The following ATP6V1C2 variants were observed in gnomAD, a reference collection of about 807,000 sequenced individuals.
ATP6V1C2 encodes V-type proton ATPase subunit C 2.
ATP6V1C2 carries 45 observed loss-of-function variants against 56.8 expected under a neutral mutation model. The ratio of observed to expected loss-of-function variants is 0.79; its 90% CI spans 0.62 to 1.02. The LOEUF is 1.02. Ranked by LOEUF, ATP6V1C2 falls within the 50% of genes least tolerant of loss-of-function variation. The probability of loss-of-function intolerance (pLI) is 0.00; values close to 1 mark genes in which losing one functional copy is unlikely to be tolerated. For synonymous variants in ATP6V1C2, 220 were observed against 201.3 expected (o/e 1.09, Z -0.79); for missense variants, 463 against 519.7 (o/e 0.89, Z 1.06).
chr2:10,776,579 G>A lies in ATP6V1C2; in HGVS notation c.826-1006G>A, dbSNP rs374996117. ...CCTGAAACCCTCGCTACCTGGGCAC[G>A]CCCTGGCTGTTCTCTTCAGCCAGGC... is the stretch of plus-strand genomic sequence containing the variant. On this transcript the variant is annotated intron_variant, in intron 10 of 13. Coordinates refer to ENST00000272238, the MANE Select transcript of ATP6V1C2 (RefSeq NM_001039362.2). Among the ~76,000 whole-genome samples, 131 of 152,320 alleles carry A rather than the reference G, an allele frequency of 8.6e-4. 1 individual carries two copies. Among genetic ancestry groups the A allele is most frequent in the African/African-American group, 2.8e-3 (117 of 41,576 alleles).
At chr2:10,744,964 C>T (rs183283163) in intron 3 of ATP6V1C2, among the ~76,000 whole-genome samples, 125 of 151,314 alleles carry the variant, frequency 8.3e-4, no homozygotes, top group African/African-American at 2.8e-3. Context: ...CCATCGCACC[C>T]GGCCTATTTT....
chr2:10,769,098 T>C (rs11678994), intron 6 of ATP6V1C2, among the ~76,000 whole-genome samples: 95,292 of 152,152 alleles, frequency 0.63, 30,239 homozygotes, highest in African/African-American at 0.67. Context: ...GCCTGGGTGC[T>C]GCCCCCAGTC....
chr2:10,776,193 A>T (rs572805260), intron 10 of ATP6V1C2, among the ~76,000 whole-genome samples: 5 of 151,490 alleles, frequency 3.3e-5, no homozygotes, highest in Non-Finnish European at 5.9e-5. Context: ...AGGAAACAAC[A>T]GCTGATAATA....
chr2:10,754,051 C>T lies in ATP6V1C2; in HGVS notation c.268C>T (p.Leu90Phe). 4.4e-6 allele frequency: 7 copies of T among 1,603,904 alleles called. No homozygotes were observed. The highest frequency in any genetic ancestry group is 6.0e-6 in the Non-Finnish European group (7 of 1,174,130). ...EDSKGKVQEH[L>F]LANGVDLTSF... ...CTCAAAGGGGAAGGTCCAGGAGCAC[C>T]TCCTGGCAAACGGAGGTAGGTAGGG... Residue 90 changes from leucine (L) to phenylalanine (F), a missense_variant, in exon 4 of 14, where the codon CTC (leucine) becomes TTC (phenylalanine). By Grantham distance (22) the Leu-to-Phe change is conservative (BLOSUM62 0). Coordinates refer to ENST00000272238, the MANE Select transcript of ATP6V1C2 (RefSeq NM_001039362.2).
rs1451225931 is a variant in ATP6V1C2 at position 10,774,929 on chromosome 2, C to T, written c.731+49C>T. The T allele has an allele frequency of 4.3e-6, 7 of 1,610,810 alleles. No individual in the cohort carries two copies. The East Asian group carries it at 1.3e-4, about 31-fold the overall frequency. On this transcript the variant is annotated intron_variant, in intron 9 of 13. Transcript: ENST00000272238. ...CATCTCCCGCTGCGGGGGGTCTCTG[C>T]CCCTCTGGAAAGCTTCTGAGTGAAA...
At chr2:10,743,994 AAAATAAT>A (rs1365523377) in intron 3 of ATP6V1C2, among the ~76,000 whole-genome samples, 376 of 36,554 alleles carry the variant, frequency 0.01, 2 homozygotes, top group Non-Finnish European at 0.034. Context: ...AAAAAAAAAA[AAAATAAT>A]AATAATAAAT....
chr2:10,743,302 G>A (rs1182071475), intron 3 of ATP6V1C2, among the ~76,000 whole-genome samples: 4 of 150,876 alleles, frequency 2.7e-5, no homozygotes, highest in Admixed American at 2.0e-4. Context: ...ACAGGGTCTC[G>A]CTATGTTGCT....
At chr2:10,747,098 G>A (rs1662958471) in intron 3 of ATP6V1C2, among the ~76,000 whole-genome samples, 2 of 152,052 alleles carry the variant, frequency 1.3e-5, no homozygotes, top group African/African-American at 4.8e-5. Context: ...AAGAAACCCC[G>A]CCTCTACTAA....
intron 4 of ATP6V1C2, among the ~76,000 whole-genome samples, chr2:10,759,967 G>A (rs1473684088): frequency 1.3e-5 from 2 of 150,454 alleles, no homozygotes; most frequent in Middle Eastern, 7.0e-3. Flanking sequence ...GATACCTCTC[G>A]CCAATTTTTC....
chr2:10,758,555 C>T (rs762022776), intron 4 of ATP6V1C2, among the ~76,000 whole-genome samples: 16 of 152,160 alleles, frequency 1.1e-4, no homozygotes, highest in African/African-American at 3.6e-4. Flanking sequence ...CTGTCCATAG[C>T]CACCACACGC....
chr2:10,782,517 T>G, intron 13 of ATP6V1C2, 142 bp downstream of exon 13: 1 of 947,872 alleles, frequency 1.1e-6, no homozygotes, highest in Non-Finnish European at 1.5e-6. Context: ...CTAGCCAACA[T>G]GGTAAGACCC....
intron 5 of ATP6V1C2, among the ~76,000 whole-genome samples, chr2:10,765,565 A>G (rs1664170819): frequency 6.6e-6 from 1 of 152,198 alleles, no homozygotes; most frequent in African/African-American, 2.4e-5. Flanking sequence ...GGGTGGGGCC[A>G]GAAAGCTCGG....
chr2:10,734,047 G>A (rs1435919415), intron 3 of ATP6V1C2, among the ~76,000 whole-genome samples: 1 of 152,170 alleles, frequency 6.6e-6, no homozygotes, highest in East Asian at 1.9e-4. Context: ...CTTCTCTGTT[G>A]GTGGAAGAAT....
At chr2:10,721,019 A>G (rs996958723), upstream of ATP6V1C2, 1 of 145,344 alleles carries the variant, frequency 6.9e-6, no homozygotes, top group Admixed American at 6.7e-5. Context: ...CCGCCCCCCC[A>G]CCCCCCATCC....
Position 10,784,924 on chromosome 2 carries a change from G to C in ATP6V1C2, c.*1661G>C. On this transcript the variant is annotated 3_prime_UTR_variant, in exon 14 of 14. Transcript: ENST00000272238. ...CTGCTGCCCGCACAGCTTCCCTCCC[G>C]GGCACTCACCTCGCCATCCCTGCCG... 6.4e-7 allele frequency: 1 copy of C among 1,560,536 alleles called. No homozygotes were observed. Among genetic ancestry groups the C allele is most frequent in the Non-Finnish European group, 8.7e-7 (1 of 1,146,308 alleles).
At chr2:10,748,618 A>G (rs1478393812) in intron 3 of ATP6V1C2, among the ~76,000 whole-genome samples, 4 of 152,172 alleles carry the variant, frequency 2.6e-5, no homozygotes, top group Admixed American at 2.0e-4. Flanking sequence ...ATGGGTTAAT[A>G]TAAATTTTTT....
chr2:10,764,700 G>A (rs1437406143), intron 5 of ATP6V1C2, among the ~76,000 whole-genome samples: 14 of 152,196 alleles, frequency 9.2e-5, no homozygotes, highest in African/African-American at 3.1e-4. Context: ...GGCCGGGCAC[G>A]GTGGCTTACG....
chr2:10,750,148 T>G (rs1340834952), intron 3 of ATP6V1C2, among the ~76,000 whole-genome samples: 2 of 152,248 alleles, frequency 1.3e-5, no homozygotes, highest in Admixed American at 6.5e-5. Flanking sequence ...GCAGTAGAAC[T>G]TCATAGACCA....
At chr2:10,725,956 G>A (rs574088673) in intron 2 of ATP6V1C2, among the ~76,000 whole-genome samples, 2 of 152,028 alleles carry the variant, frequency 1.3e-5, no homozygotes, top group East Asian at 2.0e-4. Flanking sequence ...GTGCATACCT[G>A]TAATCCCAGC....
Sources: gnomAD v4.1 joint callset for allele counts (sites outside exome capture counted in the v4.1 genomes callset) on GRCh38, gnomAD v4.1.1 for gene constraint, MANE v1.5 for transcripts, NCBI Gene and HGNC (gene_info 2026-07-23, HGNC 2026-07-21) for gene names.